The following AUTS2 variants were observed in gnomAD, a reference collection of about 807,000 sequenced individuals.
AUTS2 encodes autism susceptibility gene 2 protein.
AUTS2 carries 17 observed loss-of-function variants against 112.4 expected under a neutral mutation model. That is an observed-to-expected ratio of 0.15 (90% CI 0.10 to 0.23). The LOEUF (loss-of-function observed/expected upper bound fraction) is 0.23. Among genes scored for constraint, AUTS2 ranks in the 10% least tolerant of loss-of-function variants. The pLI is 1.00. For missense variants in AUTS2, 1,510 were observed against 1,701.6 expected (o/e 0.89, Z 1.98); for synonymous variants, 751 against 702.7 (o/e 1.07, Z -1.09).
At chr7:69,838,542 A>G (rs1791826658) in intron 1 of AUTS2, among the ~76,000 whole-genome samples, 1 of 152,190 alleles carries the variant, frequency 6.6e-6, no homozygotes, top group African/African-American at 2.4e-5. Flanking sequence ...GGATCCATCA[A>G]AACCTTTGCT....
At chr7:70,759,026 C>T (rs1015849525) in intron 6 of AUTS2, among the ~76,000 whole-genome samples, 2 of 152,184 alleles carry the variant, frequency 1.3e-5, no homozygotes, top group East Asian at 1.9e-4. Context: ...ACCAGAGCAA[C>T]GATGGACTGA....
chr7:70,295,106 C>G (rs1788871911), intron 4 of AUTS2, among the ~76,000 whole-genome samples: 1 of 152,216 alleles, frequency 6.6e-6, no homozygotes, highest in Admixed American at 6.5e-5. Flanking sequence ...CTGCTCCCAG[C>G]TCATAAAATA....
chr7:70,759,546 G>C (rs1436423493), intron 6 of AUTS2, among the ~76,000 whole-genome samples: 1 of 152,182 alleles, frequency 6.6e-6, no homozygotes, highest in Non-Finnish European at 1.5e-5. Context: ...GGAGAGGTTG[G>C]GGTCTTCCCT....
At chr7:70,475,256 G>A (rs1302068073) in intron 5 of AUTS2, among the ~76,000 whole-genome samples, 1 of 152,192 alleles carries the variant, frequency 6.6e-6, no homozygotes, top group Non-Finnish European at 1.5e-5. Context: ...CGGGGAACTG[G>A]TTTAGTAAAG....
chr7:70,525,976 C>T (rs567212817), intron 5 of AUTS2, among the ~76,000 whole-genome samples: 4 of 152,284 alleles, frequency 2.6e-5, no homozygotes, highest in South Asian at 4.1e-4. Flanking sequence ...TCCTCACGTA[C>T]GAGAGTGGTG....
chr7:69,671,187 T>A (rs1019210822), intron 1 of AUTS2, among the ~76,000 whole-genome samples: 4 of 152,184 alleles, frequency 2.6e-5, no homozygotes, highest in African/African-American at 9.7e-5. Flanking sequence ...ACCACCTTCT[T>A]AATGTGTCCC....
At chr7:70,378,230 G>A (rs867299614) in intron 4 of AUTS2, among the ~76,000 whole-genome samples, 1 of 152,080 alleles carries the variant, frequency 6.6e-6, no homozygotes, top group Non-Finnish European at 1.5e-5. Flanking sequence ...TCTCTATTGT[G>A]AATAATGCTG....
At chr7:70,752,948 C>G (rs1337959257) in intron 6 of AUTS2, among the ~76,000 whole-genome samples, 4 of 152,124 alleles carry the variant, frequency 2.6e-5, no homozygotes, top group African/African-American at 9.7e-5. Flanking sequence ...TCTCCACAGT[C>G]AAGATTGTGG....
chr7:69,850,056 A>G (rs1162124323), intron 1 of AUTS2, among the ~76,000 whole-genome samples: 1 of 152,140 alleles, frequency 6.6e-6, no homozygotes, highest in Non-Finnish European at 1.5e-5. Flanking sequence ...GCACTTTGGG[A>G]GGCCGAGGCG....
intron 4 of AUTS2, among the ~76,000 whole-genome samples, chr7:70,229,063 A>G (rs1169376926): frequency 2.6e-5 from 4 of 151,864 alleles, no homozygotes; most frequent in Non-Finnish European, 4.4e-5. Context: ...CTACAACACA[A>G]TTTTACAAGT....
intron 4 of AUTS2, among the ~76,000 whole-genome samples, chr7:70,254,615 G>A (rs1202927561): frequency 3.3e-5 from 5 of 152,016 alleles, no homozygotes; most frequent in African/African-American, 1.2e-4. Context: ...TCCTTTTTCG[G>A]GCAAATGCTT....
intron 1 of AUTS2, among the ~76,000 whole-genome samples, chr7:69,798,172 C>G (rs1021376867): frequency 6.6e-6 from 1 of 152,178 alleles, no homozygotes; most frequent in Non-Finnish European, 1.5e-5. Flanking sequence ...ATGTACCACC[C>G]TTCATTACCT....
chr7:70,644,351 T>C (rs78424001), intron 5 of AUTS2, among the ~76,000 whole-genome samples: 2,102 of 152,252 alleles, frequency 0.014, 46 homozygotes, highest in East Asian at 0.061. Context: ...TTTGAGCAGA[T>C]ACCTAGAGGG....
At chr7:70,082,523 C>A (rs1384148685) in intron 2 of AUTS2, among the ~76,000 whole-genome samples, 5 of 152,122 alleles carry the variant, frequency 3.3e-5, no homozygotes, top group African/African-American at 1.2e-4. Context: ...TAAAATTGTT[C>A]CAAATGTCTG....
At chr7:70,504,809 G>T (rs987956552) in intron 5 of AUTS2, among the ~76,000 whole-genome samples, 2 of 152,116 alleles carry the variant, frequency 1.3e-5, no homozygotes, top group East Asian at 1.9e-4. Flanking sequence ...GAAGGATGAG[G>T]CATGTTTCAC....
At chr7:70,384,345 C>T (rs1405081445) in intron 4 of AUTS2, among the ~76,000 whole-genome samples, 6 of 152,198 alleles carry the variant, frequency 3.9e-5, no homozygotes, top group Non-Finnish European at 8.8e-5. Context: ...GCCCATTATG[C>T]CAGCATAAAT....
intron 5 of AUTS2, among the ~76,000 whole-genome samples, chr7:70,556,326 C>T (rs936413273): frequency 2.0e-5 from 3 of 152,242 alleles, no homozygotes; most frequent in African/African-American, 4.8e-5. Flanking sequence ...TTGGCAATTA[C>T]ATTTTTAACC....
At chr7:70,488,897 A>C (rs567481224) in intron 5 of AUTS2, among the ~76,000 whole-genome samples, 2 of 152,258 alleles carry the variant, frequency 1.3e-5, no homozygotes, top group South Asian at 4.1e-4. Context: ...CCTCTGTCCC[A>C]CGGGCTCACT....
chr7:70,125,756 T>C (rs1805938413), intron 3 of AUTS2, among the ~76,000 whole-genome samples: 1 of 152,202 alleles, frequency 6.6e-6, no homozygotes, highest in African/African-American at 2.4e-5. Context: ...ATTTTAAGGG[T>C]CACCCTACTT....
Sources: allele counts gnomAD v4.1 joint callset (sites outside exome capture counted in the v4.1 genomes callset), GRCh38; gene constraint gnomAD v4.1.1; transcripts MANE v1.5; gene names NCBI Gene and HGNC (gene_info 2026-07-23, HGNC 2026-07-21).